Variants in WWOX observed in about 807,000 individuals in gnomAD.
WWOX encodes the protein WW domain-containing oxidoreductase.
Under a neutral mutation model 46.2 loss-of-function variants are expected in WWOX, and 69 were observed. The observed-to-expected ratio is 1.49, with a 90% CI of 1.23 to 1.82. WWOX has a LOEUF of 1.82. Among genes scored for constraint, WWOX ranks in the 40% most tolerant of loss-of-function variants. WWOX has a pLI of 0.00. For missense variants in WWOX, 919 were observed against 542.6 expected, an observed-to-expected ratio of 1.69 and a Z score of -6.89; for synonymous variants, 359 against 202.6, an observed-to-expected ratio of 1.77 and a Z score of -6.56.
Position 78,814,216 on chromosome 16 carries a change from C to T in WWOX, c.1056+381464C>T, listed in dbSNP as rs142102999. Reference sequence around the variant, plus strand: ...AATTCTGTCTTCTAGAGAATTTTGGCAAAAATGTGCCTCCATCTTACATCA... The same window carrying T: ...AATTCTGTCTTCTAGAGAATTTTGGTAAAAATGTGCCTCCATCTTACATCA... On this transcript the variant is annotated intron_variant, in intron 8 of 8. Transcript: ENST00000566780. Among the ~76,000 whole-genome samples the T allele has an allele frequency of 2.4e-3, 367 of 152,180 alleles. 1 individual carries two copies. The highest frequency in any genetic ancestry group is 0.019 in the East Asian group (97 of 5,168).
At chr16:78,243,798 C>T (rs1169796834) in intron 5 of WWOX, among the ~76,000 whole-genome samples, 3 of 152,204 alleles carry the variant, frequency 2.0e-5, no homozygotes, top group East Asian at 1.9e-4. Flanking sequence ...CTGCCTGCCT[C>T]GGCCTCCCAA....
At position 78,276,040 on chromosome 16, in the gene WWOX, G is replaced by T. The variant is rs554651326; in HGVS notation, c.517-110820G>T. ...ATTCATCTCAAAGTTAAGCCTTCTGGCTGGCAGGGGTTTCTGAGACAGACT... is the reference window on the plus strand; with the variant it reads ...ATTCATCTCAAAGTTAAGCCTTCTGTCTGGCAGGGGTTTCTGAGACAGACT... On this transcript the variant is annotated intron_variant, in intron 5 of 8. Transcript: ENST00000566780. Among the ~76,000 whole-genome samples, 2 of 152,288 alleles carry T rather than the reference G, an allele frequency of 1.3e-5. 1 individual carries two copies. Among genetic ancestry groups the T allele is most frequent in the Admixed American group, 1.3e-4 (2 of 15,292 alleles).
At chr16:79,103,329 A>C (rs1567552122) in intron 8 of WWOX, among the ~76,000 whole-genome samples, 1 of 152,220 alleles carries the variant, frequency 6.6e-6, no homozygotes, top group South Asian at 2.1e-4. Flanking sequence ...ACAGGTATTA[A>C]AGTACCTTTA....
chr16:79,148,881 T>C (rs558736115), intron 8 of WWOX, among the ~76,000 whole-genome samples: 6 of 151,204 alleles, frequency 4.0e-5, no homozygotes, highest in African/African-American at 1.5e-4. Flanking sequence ...AGCTTGCTGA[T>C]TGCATTTATT....
At chr16:78,321,592 G>A (rs1346381112) in intron 5 of WWOX, among the ~76,000 whole-genome samples, 1 of 152,014 alleles carries the variant, frequency 6.6e-6, no homozygotes, top group Non-Finnish European at 1.5e-5. Context: ...TGTCCTAACA[G>A]TGAATAAAGA....
chr16:79,209,009 G>C (rs1251583152), intron 8 of WWOX, among the ~76,000 whole-genome samples: 1 of 152,184 alleles, frequency 6.6e-6, no homozygotes, highest in African/African-American at 2.4e-5. Flanking sequence ...GAGTAGAGAA[G>C]GTCGTCTTTG....
At chr16:78,183,658 C>T (rs773163273) in intron 5 of WWOX, among the ~76,000 whole-genome samples, 1 of 152,152 alleles carries the variant, frequency 6.6e-6, no homozygotes, top group Non-Finnish European at 1.5e-5. Context: ...CTGCCAAGTA[C>T]CACTCACTGA....
At chr16:78,213,534 C>A (rs997929618) in intron 5 of WWOX, among the ~76,000 whole-genome samples, 2 of 151,514 alleles carry the variant, frequency 1.3e-5, no homozygotes, top group African/African-American at 4.9e-5. Context: ...AGTGGCAATG[C>A]GAATGGCATC....
intron 6 of WWOX, among the ~76,000 whole-genome samples, chr16:78,417,023 T>G (rs1335309725): frequency 7.6e-6 from 1 of 131,400 alleles, no homozygotes; most frequent in Admixed American, 7.2e-5. Context: ...AGCCTTGAAG[T>G]CAGGTGACCC....
intron 7 of WWOX, among the ~76,000 whole-genome samples, chr16:78,426,411 GTA>G (rs1342334280): frequency 6.6e-6 from 1 of 152,178 alleles, no homozygotes; most frequent in Non-Finnish European, 1.5e-5. Context: ...TTGTAAATCT[GTA>G]TCTCAAATGG....
chr16:79,078,903 C>A (rs6564641), intron 8 of WWOX, among the ~76,000 whole-genome samples: 114 of 152,054 alleles, frequency 7.5e-4, no homozygotes, highest in African/African-American at 2.6e-3. Flanking sequence ...TAAATACTTC[C>A]TTTATTTCCC....
At chr16:79,013,945 A>T (rs2047362983) in intron 8 of WWOX, among the ~76,000 whole-genome samples, 1 of 152,194 alleles carries the variant, frequency 6.6e-6, no homozygotes, top group African/African-American at 2.4e-5. Flanking sequence ...CTCCCCAGAG[A>T]GGAAGAGAGG....
intron 8 of WWOX, among the ~76,000 whole-genome samples, chr16:79,189,737 G>A (rs1473986825): frequency 2.0e-5 from 3 of 151,922 alleles, no homozygotes; most frequent in Non-Finnish European, 2.9e-5. Context: ...TCATCCCGCC[G>A]TGTTCATTTG....
At chr16:78,137,489 T>C (rs1428508694) in intron 4 of WWOX, among the ~76,000 whole-genome samples, 1 of 152,186 alleles carries the variant, frequency 6.6e-6, no homozygotes, top group Non-Finnish European at 1.5e-5. Flanking sequence ...TGTTAGTCCA[T>C]GAGGAATTTC....
At chr16:79,026,312 C>T (rs1362692017) in intron 8 of WWOX, among the ~76,000 whole-genome samples, 1 of 151,724 alleles carries the variant, frequency 6.6e-6, no homozygotes, top group African/African-American at 2.4e-5. Context: ...TGCACATCCT[C>T]TGCCGGGGAG....
At chr16:79,091,473 G>A (rs1447901224) in intron 8 of WWOX, among the ~76,000 whole-genome samples, 1 of 152,062 alleles carries the variant, frequency 6.6e-6, no homozygotes, top group Non-Finnish European at 1.5e-5. Context: ...TGTTCATGTG[G>A]ACTTCAGGAA....
intron 8 of WWOX, among the ~76,000 whole-genome samples, chr16:78,705,576 C>T (rs548929838): frequency 6.5e-4 from 99 of 152,298 alleles, no homozygotes; most frequent in African/African-American, 2.3e-3. Context: ...CTTAAAAATT[C>T]TGGGAGGGTT....
intron 8 of WWOX, among the ~76,000 whole-genome samples, chr16:78,489,379 T>A (rs1399924377): frequency 1.3e-5 from 2 of 152,114 alleles, no homozygotes; most frequent in African/African-American, 4.8e-5. Flanking sequence ...TGGCCAAATA[T>A]CCGAGTGTGG....
intron 8 of WWOX, among the ~76,000 whole-genome samples, chr16:78,840,859 C>T (rs1466086300): frequency 6.6e-6 from 1 of 151,846 alleles, no homozygotes; most frequent in Non-Finnish European, 1.5e-5. Flanking sequence ...CCAGGGGATG[C>T]CTGCCTTGTT....
Sources: allele counts gnomAD v4.1 joint callset (sites outside exome capture counted in the v4.1 genomes callset), GRCh38; gene constraint gnomAD v4.1.1; transcripts MANE v1.5; gene names NCBI Gene and HGNC (gene_info 2026-07-23, HGNC 2026-07-21).